The following ZPLD1 variants were observed in gnomAD, a reference collection of about 807,000 sequenced individuals.
The protein encoded by ZPLD1 is zona pellucida-like domain-containing protein 1.
A neutral mutation model predicts 47.2 loss-of-function variants in ZPLD1; 34 were observed. The ratio of observed to expected loss-of-function variants is 0.72; its 90% CI spans 0.55 to 0.96. The LOEUF (loss-of-function observed/expected upper bound fraction) is 0.96. Among genes scored for constraint, ZPLD1 ranks in the 40% least tolerant of loss-of-function variants. The probability of loss-of-function intolerance (pLI) is 0.00; values close to 1 mark genes in which losing one functional copy is unlikely to be tolerated. For synonymous variants in ZPLD1, 176 were observed against 186.2 expected, an observed-to-expected ratio of 0.95 and a Z score of 0.45; for missense variants, 512 against 505.8, an observed-to-expected ratio of 1.01 and a Z score of -0.12.
intron 7 of ZPLD1, chr3:102,417,925 TAGAA>T (rs1706827998): frequency 6.6e-6 from 1 of 152,104 alleles, no homozygotes; most frequent in South Asian, 2.1e-4. Context: ...CAAAGAGAAA[TAGAA>T]GGAAACAAAG....
intron 7 of ZPLD1, among the ~76,000 whole-genome samples, chr3:102,396,963 A>G (rs553923694): frequency 5.3e-5 from 8 of 152,260 alleles, no homozygotes; most frequent in African/African-American, 1.9e-4. Context: ...CTTGGTACCT[A>G]TGGCATAGGT....
intron 3 of ZPLD1, among the ~76,000 whole-genome samples, chr3:102,447,254 T>C (rs1004789783): frequency 7.2e-5 from 11 of 152,042 alleles, no homozygotes; most frequent in African/African-American, 2.7e-4. Flanking sequence ...TTAGTAGAAA[T>C]GGGGTTTCAC....
chr3:102,460,991 A>G (rs912895334), intron 6 of ZPLD1, among the ~76,000 whole-genome samples: 1 of 151,994 alleles, frequency 6.6e-6, no homozygotes, highest in African/African-American at 2.4e-5. Context: ...CAAAATATAG[A>G]AAACAAAAGA....
At chr3:102,447,655 T>A (rs1009704079) in intron 3 of ZPLD1, among the ~76,000 whole-genome samples, 1 of 152,210 alleles carries the variant, frequency 6.6e-6, no homozygotes, top group Non-Finnish European at 1.5e-5. Context: ...AGTACTGAGA[T>A]GAACTGAAAA....
intron 7 of ZPLD1, among the ~76,000 whole-genome samples, chr3:102,397,807 G>A (rs537989754): frequency 2.9e-4 from 44 of 152,030 alleles, no homozygotes; most frequent in South Asian, 2.1e-4. Context: ...AGGATCTTAC[G>A]TGACTTTGTG....
In ZPLD1 at chr3:102,435,059, C is replaced by G; in HGVS notation, c.-218C>G. ...CCCCCAATCCCATACAATTCAATTT[C>G]AGAAAAGTATTTAGGGACTGTGCTA... is the stretch of plus-strand genomic sequence containing the variant. On this transcript the variant is annotated 5_prime_UTR_variant, in exon 1 of 12. Transcript: ENST00000466937. The G allele has an allele frequency of 6.3e-7, 1 of 1,594,844 alleles. No individual in the cohort carries two copies. The highest frequency in any genetic ancestry group is 2.2e-5 in the East Asian group (1 of 44,722).
chr3:102,404,090 C>T (rs62274722), intron 7 of ZPLD1, among the ~76,000 whole-genome samples: 4,444 of 152,036 alleles, frequency 0.029, 103 homozygotes, highest in Non-Finnish European at 0.049. Context: ...CCTATATTCC[C>T]GTGTCACTCT....
chr3:102,464,049 C>CA (rs1004912958), intron 7 of ZPLD1, 122 bp from the exon 8 acceptor site: 27 of 745,580 alleles, frequency 3.6e-5, no homozygotes, highest in African/African-American at 3.0e-4. Context: ...GACTCCGTCT[C>CA]AAAAAAAGAA....
At chr3:102,417,330 C>A (rs1706820981) in intron 7 of ZPLD1, among the ~76,000 whole-genome samples, 3 of 152,010 alleles carry the variant, frequency 2.0e-5, no homozygotes. Flanking sequence ...AAGTATTTCA[C>A]TACTTCACTA....
intron 7 of ZPLD1, among the ~76,000 whole-genome samples, chr3:102,397,070 A>C (rs1211334317): frequency 3.3e-5 from 5 of 152,142 alleles, no homozygotes; most frequent in Non-Finnish European, 7.4e-5. Flanking sequence ...GGAGAGGAAG[A>C]AAATAAGGAC....
At chr3:102,468,811 A>G (rs1414728268) in intron 8 of ZPLD1, among the ~76,000 whole-genome samples, 153 bp from the exon 9 acceptor site, 5 of 152,234 alleles carry the variant, frequency 3.3e-5, no homozygotes, top group Non-Finnish European at 5.9e-5. Context: ...CTGTTGAATT[A>G]GCTTATGCTA....
At chr3:102,440,181 G>A (rs1190991174) in intron 3 of ZPLD1, among the ~76,000 whole-genome samples, 1 of 152,158 alleles carries the variant, frequency 6.6e-6, no homozygotes, top group Non-Finnish European at 1.5e-5. Flanking sequence ...GAGTCACTGA[G>A]TCTTTTTAAA....
intron 3 of ZPLD1, among the ~76,000 whole-genome samples, chr3:102,441,615 ATAAAAACACTTT>A (rs1215392110): frequency 3.3e-5 from 5 of 152,318 alleles, no homozygotes; most frequent in Admixed American, 2.0e-4. Flanking sequence ...TAGTAGAGAA[ATAAAAACACTTT>A]TATCATTAAA....
rs1008419624 is a variant in ZPLD1 at position 102,477,019 on chromosome 3, T to G, written c.1050T>G (p.Thr350=). 6.2e-7 allele frequency: 1 copy of G among 1,613,666 alleles called. No individual in the cohort carries two copies. Among genetic ancestry groups the G allele is most frequent in the Non-Finnish European group, 8.5e-7 (1 of 1,179,660 alleles). ...TCTGTTTTTTCCCCTCAGATGAGAC[T>G]CCAACCAACAATTCGCAACTTGGTA... The part of the protein sequence containing the change: ...AGPIITRSDE[T]PTNNSQLGSP... The change falls in exon 11 of 12, where the codon ACT becomes ACG. Residue 350 remains threonine, a synonymous_variant. Coordinates refer to ENST00000466937, the MANE Select transcript of ZPLD1 (RefSeq NM_001329788.2).
At chr3:102,459,602 C>T (rs935924923) in intron 6 of ZPLD1, among the ~76,000 whole-genome samples, 1 of 152,002 alleles carries the variant, frequency 6.6e-6, no homozygotes, top group Non-Finnish European at 1.5e-5. Context: ...TAGATGATAA[C>T]CTTAATATTT....
chr3:102,461,567 CTG>C (rs1169405218), intron 6 of ZPLD1, among the ~76,000 whole-genome samples: 3 of 151,902 alleles, frequency 2.0e-5, no homozygotes, highest in African/African-American at 4.8e-5. Flanking sequence ...AGCTTGGAGT[CTG>C]TGTTTGTCTC....
At chr3:102,431,342 T>C (rs928133611), upstream of ZPLD1, among the ~76,000 whole-genome samples, 2 of 152,220 alleles carry the variant, frequency 1.3e-5, no homozygotes, top group Non-Finnish European at 2.9e-5. Flanking sequence ...CTCAACATAT[T>C]TCCTTCTTTG....
intron 3 of ZPLD1, among the ~76,000 whole-genome samples, chr3:102,447,865 G>C (rs1707281486): frequency 6.6e-6 from 1 of 152,174 alleles, no homozygotes; most frequent in African/African-American, 2.4e-5. Context: ...GAACTTTATA[G>C]GGGGTAAAGA....
intron 10 of ZPLD1, among the ~76,000 whole-genome samples, chr3:102,470,864 C>T (rs1707673307): frequency 6.6e-6 from 1 of 150,452 alleles, no homozygotes; most frequent in South Asian, 2.1e-4. Flanking sequence ...CTGCAACCTC[C>T]GCCTCCCGGG....
Sources: gnomAD v4.1 joint callset for allele counts (sites outside exome capture counted in the v4.1 genomes callset) on GRCh38, gnomAD v4.1.1 for gene constraint, MANE v1.5 for transcripts, NCBI Gene and HGNC (gene_info 2026-07-23, HGNC 2026-07-21) for gene names.